SCN9A: variants seen among roughly 807,000 people sequenced by gnomAD.
SCN9A encodes sodium voltage-gated channel alpha subunit 9, also known as sodium channel protein type 9 subunit alpha.
A neutral mutation model predicts 187.0 loss-of-function variants in SCN9A; 131 were observed. The ratio of observed to expected loss-of-function variants is 0.70; its 90% CI spans 0.61 to 0.81. The LOEUF is 0.81. Among genes scored for constraint, SCN9A ranks in the 30% least tolerant of loss-of-function variants. The pLI is 0.00. For synonymous variants in SCN9A, 809 were observed against 808.6 expected (o/e 1.00, Z -0.01); for missense variants, 2,252 against 2,396.6 (o/e 0.94, Z 1.26).
rs1482475805 is a variant in SCN9A, at chr2:166,199,399, G to T, written c.5240C>A (p.Ser1747Tyr). 1 of 1,614,030 alleles carries T rather than the reference G, an allele frequency of 6.2e-7. No individual in the cohort carries two copies. Among genetic ancestry groups the T allele is most frequent in the African/African-American group, 1.3e-5 (1 of 74,920 alleles). ...IFYFVSYIII[S>Y]FLVVVNMYIA... ...GTACATGTTCACCACAACCAGGAAG[G>T]ATATGATGATATAACTAACAAAGTA... The change falls in exon 27 of 27, where the codon TCC becomes TAC. Residue 1747 changes from serine to tyrosine, a missense_variant. By Grantham distance (144) the Ser-to-Tyr change is moderately radical. Around this residue, in one of 7 missense-constraint regions of SCN9A, gnomAD observed 345 missense variants for 344.6 expected, o/e 1.00. Coordinates refer to ENST00000642356, the MANE Select transcript of SCN9A (RefSeq NM_001365536.1).
At position 166,303,172 on chromosome 2, in the gene SCN9A, A is replaced by G; in HGVS notation, c.819T>C (p.His273=). 1.2e-6 allele frequency: 2 copies of G among 1,613,448 alleles called. No individual in the cohort carries two copies. Among genetic ancestry groups the G allele is most frequent in the Non-Finnish European group, 1.7e-6 (2 of 1,179,600 alleles). Residue 273 remains histidine, a synonymous_variant, in exon 7 of 27, where the codon CAT becomes CAC. Transcript: ENST00000642356. ...TTTCAAGTGAATTTCGAAAACATTT[A>G]TGCTTCAGGTTTCCCATGAACAGCT... ...GLQLFMGNLK[H]KCFRNSLENN... is the part of the protein sequence containing the mutation.
chr2:166,336,371 G>A (rs538095397), intron 1 of SCN9A, among the ~76,000 whole-genome samples: 1 of 152,176 alleles, frequency 6.6e-6, no homozygotes, highest in Non-Finnish European at 1.5e-5. Context: ...AAGGGTGCAG[G>A]ACAAAATCAT....
At chr2:166,250,407 G>T (rs1435943574) in intron 18 of SCN9A, among the ~76,000 whole-genome samples, 1 of 152,008 alleles carries the variant, frequency 6.6e-6, no homozygotes, top group African/African-American at 2.4e-5. Context: ...TATCTTATTT[G>T]ATCCTCTTAG....
In SCN9A at chr2:166,375,417, CCA is replaced by C. The variant is rs1700665068; in HGVS notation, c.-51+278_-51+279del. 3.9e-5 allele frequency among the ~76,000 whole-genome samples: 6 copies of C among 152,330 alleles called. No individual in the cohort carries two copies. In the South Asian group the frequency reaches 1.2e-3, roughly 32 times the overall value. On this transcript the variant is annotated intron_variant, in intron 1 of 26. Coordinates refer to ENST00000642356, the MANE Select transcript of SCN9A (RefSeq NM_001365536.1). ...CACCAGGCATTGCTACCCTTCCTTT[CCA>C]CAGTTTCAGAACCTGGCAGCAAACC...
chr2:166,216,585 A>T (rs1193252632), intron 24 of SCN9A, among the ~76,000 whole-genome samples: 2 of 152,046 alleles, frequency 1.3e-5, no homozygotes, highest in Non-Finnish European at 2.9e-5. Flanking sequence ...TCTATACATT[A>T]ACAATGAGGT....
intron 1 of SCN9A, among the ~76,000 whole-genome samples, chr2:166,322,692 G>T (rs1246619547): frequency 6.6e-6 from 1 of 151,900 alleles, no homozygotes; most frequent in Non-Finnish European, 1.5e-5. Flanking sequence ...ATTAAATGAG[G>T]ATATTTCCAT....
At chr2:166,259,710 AT>A (rs533639498) in intron 17 of SCN9A, among the ~76,000 whole-genome samples, 139 of 151,922 alleles carry the variant, frequency 9.1e-4, no homozygotes, top group African/African-American at 3.0e-3. Context: ...ACTTATTTTT[AT>A]TTAATTAATT....
Position 166,281,744 on chromosome 2 carries a change from A to G in SCN9A, c.2039T>C (p.Leu680Pro), listed in dbSNP as rs1697498603. ...TCTCTGTCTGAGGTTGGGATCATTCAGCATATCCTCTGAAAGGAGATAGGA... is the reference window on the plus strand; with the variant it reads ...TCTCTGTCTGAGGTTGGGATCATTCGGCATATCCTCTGAAAGGAGATAGGA... ...CSSYLLSEDM[L>P]NDPNLRQRAM... Residue 680 changes from leucine to proline, a missense_variant, in exon 13 of 27, where the codon CTG (leucine) becomes CCG (proline). By Grantham distance (98) the Leu-to-Pro change is moderately conservative. Around this residue, in one of 7 missense-constraint regions of SCN9A, gnomAD observed 1,013 missense variants for 997.4 expected, o/e 1.02. Coordinates refer to ENST00000642356, the MANE Select transcript of SCN9A (RefSeq NM_001365536.1). 1.2e-6 allele frequency: 2 copies of G among 1,613,414 alleles called. No homozygotes were observed. The highest frequency in any genetic ancestry group is 1.7e-6 in the Non-Finnish European group (2 of 1,179,526).
In SCN9A at chr2:166,311,757, CT is replaced by C; in HGVS notation, c.-2del. On this transcript the variant is annotated 5_prime_UTR_variant, in exon 2 of 27. Coordinates refer to ENST00000642356, the MANE Select transcript of SCN9A (RefSeq NM_001365536.1). ...GTCCTGGGGGAGGCAACATTGCCAT[CT>C]TTTCATCCTGTATATTTTAATTCCT... 6.3e-7 allele frequency: 1 copy of C among 1,591,634 alleles called. No individual in the cohort carries two copies. The highest frequency in any genetic ancestry group is 8.6e-7 in the Non-Finnish European group (1 of 1,166,362).
At chr2:166,305,998 C>G in intron 4 of SCN9A, 78 bp from the exon 5 acceptor site, 1 of 1,548,284 alleles carries the variant, frequency 6.5e-7, no homozygotes, top group Admixed American at 1.8e-5. Context: ...CTTATTTTCT[C>G]TAATTAACCA....
chr2:166,329,027 T>C (rs1464321379), intron 1 of SCN9A, among the ~76,000 whole-genome samples: 2 of 152,106 alleles, frequency 1.3e-5, no homozygotes, highest in African/African-American at 2.4e-5. Context: ...TAAAAATTAT[T>C]TTTTTACAAA....
At chr2:166,262,019 T>G (rs757571730) in intron 17 of SCN9A, among the ~76,000 whole-genome samples, 4 of 152,096 alleles carry the variant, frequency 2.6e-5, no homozygotes, top group Non-Finnish European at 5.9e-5. Context: ...GATCTGGACT[T>G]TAGTGATATT....
At chr2:166,266,914 C>T (rs1160907563) in intron 17 of SCN9A, among the ~76,000 whole-genome samples, 1 of 151,878 alleles carries the variant, frequency 6.6e-6, no homozygotes, top group East Asian at 1.9e-4. Context: ...TGTCCTCCAA[C>T]ATTACTGAAT....
At chr2:166,305,182 A>T (rs926980572) in intron 5 of SCN9A, among the ~76,000 whole-genome samples, 1 of 152,114 alleles carries the variant, frequency 6.6e-6, no homozygotes, top group Non-Finnish European at 1.5e-5. Context: ...GAATATCTAG[A>T]TATGAGATTG....
chr2:166,293,959 A>G (rs564081824), intron 8 of SCN9A, among the ~76,000 whole-genome samples: 4 of 152,302 alleles, frequency 2.6e-5, no homozygotes, highest in African/African-American at 9.6e-5. Context: ...TTCTGGGAAC[A>G]GCAACCTTAT....
chr2:166,201,206 C>T (rs1174910520), intron 26 of SCN9A, among the ~76,000 whole-genome samples: 1 of 140,482 alleles, frequency 7.1e-6, no homozygotes, highest in East Asian at 2.7e-4. Flanking sequence ...TACACACATA[C>T]TATATATATA....
At chr2:166,266,649 G>C (rs1428376347) in intron 17 of SCN9A, among the ~76,000 whole-genome samples, 1 of 150,642 alleles carries the variant, frequency 6.6e-6, no homozygotes, top group Non-Finnish European at 1.5e-5. Flanking sequence ...AGATTGCTTT[G>C]GGTAATATGG....
intron 1 of SCN9A, among the ~76,000 whole-genome samples, chr2:166,374,537 G>T (rs977243589): frequency 6.6e-6 from 1 of 151,856 alleles, no homozygotes; most frequent in Admixed American, 6.6e-5. Context: ...TTAAATAGTG[G>T]AAAAAATCTG....
At chr2:166,355,598 T>A (rs1574959444) in intron 1 of SCN9A, among the ~76,000 whole-genome samples, 3 of 152,158 alleles carry the variant, frequency 2.0e-5, no homozygotes, top group African/African-American at 7.2e-5. Context: ...CAGTTTGTCA[T>A]CTTTTAACTT....
Sources: allele counts gnomAD v4.1 joint callset (sites outside exome capture counted in the v4.1 genomes callset), GRCh38; gene constraint gnomAD v4.1.1; regional missense constraint gnomAD v4.1.1; transcripts MANE v1.5; gene names NCBI Gene and HGNC (gene_info 2026-07-23, HGNC 2026-07-21).